Variants in ZXDB observed in about 807,000 individuals in gnomAD.
The protein encoded by ZXDB is zinc finger X-linked duplicated B.
For missense variants in ZXDB, 413 were observed against 679.1 expected (o/e 0.61, Z 4.36); for synonymous variants, 273 against 314.3 (o/e 0.87, Z 1.39).
chrX:57,592,366 C>G lies in ZXDB; in HGVS notation c.318C>G (p.Thr106=). The part of the protein sequence containing the change: ...LLDPVGGDVE[T]AGSGQAAGPV... ...ACCCGGTGGGTGGCGACGTGGAGAC[C>G]GCGGGCTCCGGTCAGGCCGCAGGGC... The change falls in exon 1 of 1, where the codon ACC becomes ACG. Residue 106 remains threonine (T), a synonymous_variant. Coordinates refer to ENST00000374888, the MANE Select transcript of ZXDB (RefSeq NM_007157.4). The G allele has an allele frequency of 3.4e-6, 4 of 1,190,325 alleles. No individual in the cohort carries two copies. The highest frequency in any genetic ancestry group is 4.5e-6 in the Non-Finnish European group (4 of 889,035).
In ZXDB at chrX:57,592,480, C is replaced by G; in HGVS notation, c.432C>G (p.Pro144=). Residue 144 remains proline, a synonymous_variant, in exon 1 of 1, where the codon CCC becomes CCG. Transcript: ENST00000374888. ...CCGCGGGGCCCACTGCGCTAGGCCC[C>G]CGCTGCCTGTCCGCGGTTCCCACTC... ...ANPAGPTALG[P]RCLSAVPTPA... is the part of the protein sequence containing the mutation. 6.8e-6 allele frequency: 8 copies of G among 1,183,039 alleles called. No individual in the cohort carries two copies. Among genetic ancestry groups the G allele is most frequent in the Non-Finnish European group, 7.9e-6 (7 of 883,071 alleles).
In ZXDB at chrX:57,594,051, C is replaced by A; in HGVS notation, c.2003C>A (p.Thr668Asn). 8.8e-7 allele frequency: 1 copy of A among 1,133,767 alleles called. No homozygotes were observed. Among genetic ancestry groups the A allele is most frequent in the South Asian group, 1.9e-5 (1 of 51,950 alleles). 93.4% of individuals were successfully genotyped at this position (1,133,767 alleles called of 1,213,427 possible). Residue 668 changes from threonine to asparagine, a missense_variant, in exon 1 of 1, where the codon ACC becomes AAC. Transcript: ENST00000374888. ...QAVDPPSLMA[T>N]SDPPQSLDTS... ...GTGGACCCTCCGTCCTTGATGGCCA[C>A]CAGCGACCCTCCTCAAAGTCTGGAT...
At position 57,597,013 on chromosome X, in the gene ZXDB, G is replaced by A. The variant is rs774397909; in HGVS notation, c.*2553G>A. ...ACTTCCGTTTTAAAAGTTTTTGCCA[G>A]AGAGTTTTGCTAAATACTCTCTTAT... is the stretch of plus-strand genomic sequence containing the variant. On this transcript the variant is annotated 3_prime_UTR_variant, in exon 1 of 1. Coordinates refer to ENST00000374888, the MANE Select transcript of ZXDB (RefSeq NM_007157.4). 5.7e-5 allele frequency: 7 copies of A among 123,631 alleles called. No individual in the cohort carries two copies. Among genetic ancestry groups the A allele is most frequent in the Non-Finnish European group, 9.4e-5 (5 of 53,323 alleles). The allele number at this position is 123,631 out of a possible 1,213,427, so 10.2% of individuals were successfully genotyped here.
rs374431053 is a variant in ZXDB, at chrX:57,593,189, G to T, written c.1141G>T (p.Ala381Ser). The change falls in exon 1 of 1, where the codon GCC becomes TCC. Residue 381 changes from alanine (A) to serine (S), a missense_variant. By Grantham distance (99) the Ala-to-Ser change is moderately conservative. Coordinates refer to ENST00000374888, the MANE Select transcript of ZXDB (RefSeq NM_007157.4). ...CTTCCCCACGCAGGCCAAACTCAGC[G>T]CCCACCAGCGCAGCCACTTCGAACC... is the stretch of plus-strand genomic sequence containing the variant. ...ESFPTQAKLS[A>S]HQRSHFEPER... 1.8e-5 allele frequency: 22 copies of T among 1,210,092 alleles called. No individual in the cohort carries two copies. Among genetic ancestry groups the T allele is most frequent in the South Asian group, 1.4e-4 (8 of 56,827 alleles).
chrX:57,592,771 A>G lies in ZXDB; in HGVS notation c.723A>G (p.Pro241=), dbSNP rs760345223. Residue 241 remains proline, a synonymous_variant, in exon 1 of 1, where the codon CCA becomes CCG. Coordinates refer to ENST00000374888, the MANE Select transcript of ZXDB (RefSeq NM_007157.4). ...TAGCTGAGCCGGCCGAACCCGCGCC[A>G]GCTCCGGCGCCTGAGGAGGAGGCGG... ...LLLAEPAEPA[P]APAPEEEAEG... 6 of 1,149,776 alleles carry G rather than the reference A, an allele frequency of 5.2e-6. No homozygotes were observed. The African/African-American group carries it at 7.3e-5, about 14-fold the overall frequency. 94.8% of individuals were successfully genotyped at this position (1,149,776 alleles called of 1,213,427 possible).
Position 57,593,328 on chromosome X carries a change from C to G in ZXDB, c.1280C>G (p.Ser427Cys). The G allele has an allele frequency of 8.3e-7, 1 of 1,211,771 alleles. No homozygotes were observed. Among genetic ancestry groups the G allele is most frequent in the South Asian group, 1.8e-5 (1 of 56,996 alleles). Residue 427 changes from serine (S) to cysteine (C), a missense_variant, in exon 1 of 1, where the codon TCT becomes TGT. Ser to Cys is a moderately radical substitution (Grantham distance 112). Coordinates refer to ENST00000374888, the MANE Select transcript of ZXDB (RefSeq NM_007157.4). ...HFREQELFSC[S>C]FPGCSKQYDK... is the part of the protein sequence containing the mutation. Reference sequence around the variant, plus strand: ...AGGGAACAGGAACTGTTTTCCTGCTCTTTTCCTGGCTGCAGCAAACAATAT... The same window carrying G: ...AGGGAACAGGAACTGTTTTCCTGCTGTTTTCCTGGCTGCAGCAAACAATAT...
At position 57,593,066 on chromosome X, in the gene ZXDB, G is replaced by C. The variant is rs1452287643; in HGVS notation, c.1018G>C (p.Gly340Arg). ...GCGGCCCTTTGGCTGCCCGGCAGAGGGCTGTGGCAAGAGCTTCACCACAGT... is the reference window on the plus strand; with the variant it reads ...GCGGCCCTTTGGCTGCCCGGCAGAGCGCTGTGGCAAGAGCTTCACCACAGT... ...KLRPFGCPAE[G>R]CGKSFTTVYN... Residue 340 changes from glycine to arginine, a missense_variant, in exon 1 of 1, where the codon GGC becomes CGC. Physicochemically the swap from Gly to Arg is moderately radical, Grantham distance 125. Transcript: ENST00000374888. 19 of 1,212,035 alleles carry C rather than the reference G, an allele frequency of 1.6e-5. No individual in the cohort carries two copies. The highest frequency in any genetic ancestry group is 2.1e-5 in the Non-Finnish European group (19 of 895,559).
Position 57,592,030 on chromosome X carries a change from G to C in ZXDB, c.-19G>C. The C allele has an allele frequency of 7.8e-6, 8 of 1,023,498 alleles. No individual in the cohort carries two copies. The highest frequency in any genetic ancestry group is 3.2e-5 in the South Asian group (1 of 31,426). 84.3% of individuals were successfully genotyped at this position (1,023,498 alleles called of 1,213,427 possible). A position where few individuals can be genotyped will look rare whatever the true frequency, so the allele number is the denominator to read the frequency against. ...CTCCTCCTCGGCTCTGGTTCCAGCC[G>C]AGCCTCTCGGACGCAGAGATGGAAA... On this transcript the variant is annotated 5_prime_UTR_variant, in exon 1 of 1. Transcript: ENST00000374888.
chrX:57,594,333 A>G lies in ZXDB; in HGVS notation c.2285A>G (p.His762Arg), dbSNP rs2057904933. Residue 762 changes from histidine (H) to arginine (R), a missense_variant, in exon 1 of 1, where the codon CAT becomes CGT. Physicochemically the swap from His to Arg is conservative, Grantham distance 29 (BLOSUM62 0). Coordinates refer to ENST00000374888, the MANE Select transcript of ZXDB (RefSeq NM_007157.4). ...LTPTKAEWNV[H>R]PDSDFFGQEG... ...CCAACCAAAGCGGAGTGGAACGTAC[A>G]TCCTGACTCTGACTTCTTTGGACAG... The G allele has an allele frequency of 8.3e-7, 1 of 1,210,027 alleles. No homozygotes were observed. The highest frequency in any genetic ancestry group is 1.1e-6 in the Non-Finnish European group (1 of 895,294).
In ZXDB at chrX:57,592,798, G is replaced by A; in HGVS notation, c.750G>A (p.Glu250=). 8.7e-7 allele frequency: 1 copy of A among 1,144,580 alleles called. No homozygotes were observed. Among genetic ancestry groups the A allele is most frequent in the Non-Finnish European group, 1.2e-6 (1 of 865,850 alleles). The allele number at this position is 1,144,580 out of a possible 1,213,427, so 94.3% of individuals were successfully genotyped here. Residue 250 remains glutamate, a synonymous_variant, in exon 1 of 1, where the codon GAG becomes GAA. Transcript: ENST00000374888. ...APAPAPEEEA[E]GPAAALGPRG... is the part of the protein sequence containing the mutation. ...CTCCGGCGCCTGAGGAGGAGGCGGA[G>A]GGCCCGGCCGCCGCCCTGGGCCCCC...
At position 57,596,183 on chromosome X, in the gene ZXDB, C is replaced by T. The variant is rs2057910268; in HGVS notation, c.*1723C>T. ...GTAATACCAGGAGTGGGGACATTGC[C>T]CACATGCATAAGAGCGTATCTCTCC... On this transcript the variant is annotated 3_prime_UTR_variant, in exon 1 of 1. Coordinates refer to ENST00000374888, the MANE Select transcript of ZXDB (RefSeq NM_007157.4). The T allele has an allele frequency of 8.1e-6, 1 of 122,949 alleles. No homozygotes were observed. Among genetic ancestry groups the T allele is most frequent in the South Asian group, 3.7e-4 (1 of 2,685 alleles). 10.1% of individuals were successfully genotyped at this position (122,949 alleles called of 1,213,427 possible). A position where few individuals can be genotyped will look rare whatever the true frequency, so the allele number is the denominator to read the frequency against.
At position 57,593,653 on chromosome X, in the gene ZXDB, C is replaced by T; in HGVS notation, c.1605C>T (p.Ser535=). Residue 535 remains serine (S), a synonymous_variant, in exon 1 of 1, where the codon TCC becomes TCT. Transcript: ENST00000374888. ...CTCGCAGTAGCCTCTACATTCACTC[C>T]AAGAAACACCTGCAGGATGTGGACA... ...FSARSSLYIH[S]KKHLQDVDTW... is the part of the protein sequence containing the mutation. 1 of 1,208,532 alleles carries T rather than the reference C, an allele frequency of 8.3e-7. No homozygotes were observed.
rs765389863 is a variant in ZXDB at position 57,592,304 on chromosome X, G to T, written c.256G>T (p.Gly86Cys). The change falls in exon 1 of 1, where the codon GGC becomes TGC. Residue 86 changes from glycine to cysteine, a missense_variant. By Grantham distance (159) the Gly-to-Cys change is radical (BLOSUM62 -3). Transcript: ENST00000374888. ...PRTDQPSGGGGGGGDDFFLVL... is the reference protein window; with the variant it reads ...PRTDQPSGGGCGGGDDFFLVL... Reference sequence around the variant, plus strand: ...GACCGATCAACCTAGCGGCGGCGGCGGCGGCGGCGGCGACGACTTCTTCCT... The same window carrying T: ...GACCGATCAACCTAGCGGCGGCGGCTGCGGCGGCGGCGACGACTTCTTCCT... 2 of 1,184,217 alleles carry T rather than the reference G, an allele frequency of 1.7e-6. No individual in the cohort carries two copies. The highest frequency in any genetic ancestry group is 3.7e-5 in the South Asian group (2 of 54,766).
chrX:57,592,127 C>T lies in ZXDB; in HGVS notation c.79C>T (p.Arg27Ter). ...CGGCGGTATCCCCGCGGGTGGCGGC[C>T]GAGTCCACCGAGGCCCTGACTCGCC... The part of the protein sequence containing the change: ...GGGGIPAGGG[R>*]VHRGPDSPAG... Residue 27 changes from arginine (R) to a stop codon, truncating the protein, a stop_gained, in exon 1 of 1, where the codon CGA becomes TGA. Transcript: ENST00000374888. LOFTEE classifies it low-confidence loss of function (END_TRUNC). The T allele has an allele frequency of 9.6e-7, 1 of 1,041,326 alleles. No individual in the cohort carries two copies. The highest frequency in any genetic ancestry group is 1.2e-6 in the Non-Finnish European group (1 of 818,159). The allele number at this position is 1,041,326 out of a possible 1,213,427, so 85.8% of individuals were successfully genotyped here.
rs779074573 is a variant in ZXDB at position 57,592,645 on chromosome X, C to G, written c.597C>G (p.Ala199=). Residue 199 remains alanine (A), a synonymous_variant, in exon 1 of 1, where the codon GCC becomes GCG. Transcript: ENST00000374888. ...TPPPHAWEPG[A]APAQQPGCLI... is the part of the protein sequence containing the mutation. ...CACCACACGCCTGGGAGCCAGGGGC[C>G]GCTCCTGCCCAGCAGCCCGGGTGTC... The G allele has an allele frequency of 1.7e-6, 2 of 1,192,171 alleles. No individual in the cohort carries two copies. The highest frequency in any genetic ancestry group is 1.8e-5 in the South Asian group (1 of 54,548).
chrX:57,593,423 G>T lies in ZXDB; in HGVS notation c.1375G>T (p.Asp459Tyr). The change falls in exon 1 of 1, where the codon GAT becomes TAT. Residue 459 changes from aspartate (D) to tyrosine (Y), a missense_variant. Physicochemically the swap from Asp to Tyr is radical, Grantham distance 160 (BLOSUM62 -3). Transcript: ENST00000374888. ...CGAGAGACCTTTCCTTTGTGACTTT[G>T]ATGGCTGTGGCTGGAACTTCACTAG... ...TGERPFLCDF[D>Y]GCGWNFTSMS... 1 of 1,209,878 alleles carries T rather than the reference G, an allele frequency of 8.3e-7. No individual in the cohort carries two copies. Among genetic ancestry groups the T allele is most frequent in the East Asian group, 3.0e-5 (1 of 33,734 alleles).
At position 57,592,372 on chromosome X, in the gene ZXDB, C is replaced by T. The variant is rs777733510; in HGVS notation, c.324C>T (p.Gly108=). ...DPVGGDVETA[G]SGQAAGPVLR... ...TGGGTGGCGACGTGGAGACCGCGGG[C>T]TCCGGTCAGGCCGCAGGGCCTGTGT... Residue 108 remains glycine, a synonymous_variant, in exon 1 of 1, where the codon GGC becomes GGT. Coordinates refer to ENST00000374888, the MANE Select transcript of ZXDB (RefSeq NM_007157.4). 10 of 1,188,932 alleles carry T rather than the reference C, an allele frequency of 8.4e-6. No individual in the cohort carries two copies. In the South Asian group the frequency reaches 1.6e-4, roughly 19 times the overall value.
Position 57,592,982 on chromosome X carries a change from G to A in ZXDB, c.934G>A (p.Gly312Ser), listed in dbSNP as rs1380922565. The change falls in exon 1 of 1, where the codon GGC becomes AGC. Residue 312 changes from glycine (G) to serine (S), a missense_variant. Gly to Ser is a moderately conservative substitution (Grantham distance 56). Transcript: ENST00000374888. ...RPFKCPLGGC[G>S]WTFTTSYKLK... ...CTTCAAATGCCCCCTGGGTGGCTGC[G>A]GCTGGACCTTCACCACCTCTTACAA... 5 of 1,208,291 alleles carry A rather than the reference G, an allele frequency of 4.1e-6. No individual in the cohort carries two copies. In the African/African-American group the frequency reaches 8.7e-5, roughly 21 times the overall value.
At position 57,596,871 on chromosome X, in the gene ZXDB, T is replaced by G. The variant is rs2057912303; in HGVS notation, c.*2411T>G. Reference sequence around the variant, plus strand: ...AACATTTACTGAGTGTACATTGAAGTTCTGTGCATACAGGAAGAAGTTATT... The same window carrying G: ...AACATTTACTGAGTGTACATTGAAGGTCTGTGCATACAGGAAGAAGTTATT... On this transcript the variant is annotated 3_prime_UTR_variant, in exon 1 of 1. Transcript: ENST00000374888. 8.1e-6 allele frequency: 1 copy of G among 123,604 alleles called. No individual in the cohort carries two copies. Among genetic ancestry groups the G allele is most frequent in the Non-Finnish European group, 1.9e-5 (1 of 53,300 alleles). 10.2% of individuals were successfully genotyped at this position (123,604 alleles called of 1,213,427 possible). A position where few individuals can be genotyped will look rare whatever the true frequency, so the allele number is the denominator to read the frequency against.
Sources: gnomAD v4.1 joint callset for allele counts on GRCh38, gnomAD v4.1.1 for gene constraint, MANE v1.5 for transcripts, NCBI Gene and HGNC (gene_info 2026-07-23, HGNC 2026-07-21) for gene names.